The following DIAPH1 variants were observed in gnomAD, a reference collection of about 807,000 sequenced individuals.
DIAPH1 encodes the protein diaphanous related formin 1.
DIAPH1 carries 46 observed loss-of-function variants against 140.7 expected under a neutral mutation model. The observed-to-expected ratio is 0.33, with a 90% confidence interval of 0.26 to 0.42. DIAPH1 has a LOEUF of 0.42. Ranked by LOEUF, DIAPH1 falls within the 10% of genes least tolerant of loss-of-function variation. The pLI is 1.00. For synonymous variants in DIAPH1, 565 were observed against 551.6 expected, an observed-to-expected ratio of 1.02 and a Z score of -0.34; for missense variants, 1,310 against 1,558.7, an observed-to-expected ratio of 0.84 and a Z score of 2.69.
rs1267883025 is a variant in DIAPH1, at chr5:141,591,701, T to G, written c.118-3451A>C. ...AGGAAGGAAGGGAGATGGGGATATA[T>G]ATATATATATATATATATATATATA... On this transcript the variant is annotated intron_variant, in intron 1 of 27. Transcript: ENST00000389054. Among the ~76,000 whole-genome samples the G allele has an allele frequency of 4.5e-3, 315 of 69,850 alleles. 15 individuals carry two copies. The highest frequency in any genetic ancestry group is 0.012 in the African/African-American group (230 of 18,516). The allele number at this position is 69,850 out of a possible 152,430, so 45.8% of individuals were successfully genotyped here.
chr5:141,598,384 T>TA (rs1344243873), intron 1 of DIAPH1, among the ~76,000 whole-genome samples: 1 of 152,176 alleles, frequency 6.6e-6, no homozygotes, highest in Admixed American at 6.5e-5. Context: ...TTGCATGTAT[T>TA]AAAATGAGCT....
At position 141,574,953 on chromosome 5, in the gene DIAPH1, T is replaced by G. The variant is rs763932885; in HGVS notation, c.1641+14A>C. 6.2e-7 allele frequency: 1 copy of G among 1,614,152 alleles called. No individual in the cohort carries two copies. The highest frequency in any genetic ancestry group is 8.5e-7 in the Non-Finnish European group (1 of 1,179,996). On this transcript the variant is annotated intron_variant, in intron 15 of 27. Coordinates refer to ENST00000389054, the MANE Select transcript of DIAPH1 (RefSeq NM_005219.5). The stretch of plus-strand genomic sequence containing the variant: ...AGGTTACAGGTCATTCTGCCTTCCC[T>G]GCTCAGGCATTACCTCTCCTGTGAG...
chr5:141,567,925 T>C (rs1337460264), intron 18 of DIAPH1, among the ~76,000 whole-genome samples: 1 of 152,218 alleles, frequency 6.6e-6, no homozygotes, highest in Non-Finnish European at 1.5e-5. Flanking sequence ...AAATTCTCAA[T>C]TCTTAGTGAA....
intron 1 of DIAPH1, among the ~76,000 whole-genome samples, chr5:141,592,089 A>G (rs2099898576): frequency 6.6e-6 from 1 of 151,528 alleles, no homozygotes; most frequent in African/African-American, 2.4e-5. Flanking sequence ...ATCAAAAAAA[A>G]AAAAAAAGAA....
In DIAPH1 at chr5:141,588,239, C is replaced by A. The variant is rs1384073594; in HGVS notation, c.129G>T (p.Arg43=). The change falls in exon 2 of 28, where the codon CGG becomes CGT. Residue 43 remains arginine, a synonymous_variant. Transcript: ENST00000389054. ...ATGTCCTTACCTCATCTGCCATGAG[C>A]CGCTTCAGAGTCTAGGAAACAGGAA... The part of the protein sequence containing the change: ...GGKSKKFTLK[R]LMADELERFT... The A allele has an allele frequency of 6.2e-7, 1 of 1,612,378 alleles. No individual in the cohort carries two copies. Among genetic ancestry groups the A allele is most frequent in the South Asian group, 1.1e-5 (1 of 90,992 alleles).
At chr5:141,529,520 G>T in intron 20 of DIAPH1, 83 bp downstream of exon 20, 1 of 1,152,860 alleles carries the variant, frequency 8.7e-7, no homozygotes. Context: ...GCTGGAGGAG[G>T]ATCCTCTTCA....
intron 18 of DIAPH1, among the ~76,000 whole-genome samples, chr5:141,552,973 C>T (rs2099891972): frequency 1.3e-5 from 2 of 152,174 alleles, no homozygotes; most frequent in Non-Finnish European, 2.9e-5. Context: ...CCCTAGCAAA[C>T]GAATACACTT....
chr5:141,574,161 A>T lies in DIAPH1; in HGVS notation c.1689T>A (p.Ala563=), dbSNP rs375991666. The T allele has an allele frequency of 1.9e-6, 3 of 1,613,972 alleles. No individual in the cohort carries two copies. In the African/African-American group the frequency reaches 4.0e-5, roughly 22 times the overall value. The change falls in exon 16 of 28, where the codon GCT becomes GCA. Residue 563 remains alanine (A), a synonymous_variant. Coordinates refer to ENST00000389054, the MANE Select transcript of DIAPH1 (RefSeq NM_005219.5). The part of the protein sequence containing the change: ...KELEDAKKEM[A]SLSAAAITVP... ...CAGTAATAGCTGCCGCAGAGAGGGA[A>T]GCCATTTCTTTCTTGGCATCTTCCA... is the stretch of plus-strand genomic sequence containing the variant.
intron 1 of DIAPH1, among the ~76,000 whole-genome samples, chr5:141,611,713 T>C (rs2099901866): frequency 6.6e-6 from 1 of 152,124 alleles, no homozygotes; most frequent in African/African-American, 2.4e-5. Context: ...TTAAGAAAGA[T>C]ATATAAACAG....
intron 18 of DIAPH1, chr5:141,560,967 C>G: frequency 2.2e-6 from 1 of 454,042 alleles, no homozygotes; most frequent in Admixed American, 2.4e-5. Flanking sequence ...ATGGGAGGAC[C>G]GCCATCTCTG....
At chr5:141,560,753 T>C (rs2099893403) in intron 18 of DIAPH1, 1 of 415,804 alleles carries the variant, frequency 2.4e-6, no homozygotes, top group Middle Eastern at 3.5e-4. Context: ...ATTCTAGAAA[T>C]ATTCTGTTTT....
chr5:141,583,163 G>C (rs2154596585), intron 6 of DIAPH1, 43 bp downstream of exon 6: 1 of 1,545,248 alleles, frequency 6.5e-7, no homozygotes, highest in Non-Finnish European at 9.0e-7. Flanking sequence ...CAAGTCCCCT[G>C]TGACTCTCCA....
intron 1 of DIAPH1, among the ~76,000 whole-genome samples, chr5:141,612,425 G>T (rs562926938): frequency 1.6e-4 from 25 of 152,168 alleles, no homozygotes; most frequent in Non-Finnish European, 3.4e-4. Context: ...TAGGGTAAAT[G>T]AATAAACAAA....
intron 1 of DIAPH1, among the ~76,000 whole-genome samples, chr5:141,611,288 C>A (rs937378584): frequency 2.6e-5 from 4 of 151,918 alleles, no homozygotes; most frequent in African/African-American, 9.7e-5. Flanking sequence ...AAAACCTTAG[C>A]GACCATAATT....
Position 141,574,828 on chromosome 5 carries a change from A to G in DIAPH1, c.1641+139T>C. ...AACACAAACCAAAAACCAGTATATT[A>G]TTTTTAAAATATGCACCATGTAACT... On this transcript the variant is annotated intron_variant, in intron 15 of 27. Coordinates refer to ENST00000389054, the MANE Select transcript of DIAPH1 (RefSeq NM_005219.5). 6 of 917,460 alleles carry G rather than the reference A, an allele frequency of 6.5e-6. No individual in the cohort carries two copies. In the South Asian group the frequency reaches 7.4e-5, roughly 11 times the overall value. 56.8% of individuals were successfully genotyped at this position (917,460 alleles called of 1,614,324 possible). A position where few individuals can be genotyped will look rare whatever the true frequency, so the allele number is the denominator to read the frequency against.
At chr5:141,543,222 C>T (rs566583735) in intron 18 of DIAPH1, among the ~76,000 whole-genome samples, 109 of 152,158 alleles carry the variant, frequency 7.2e-4, no homozygotes, top group Middle Eastern at 3.4e-3. Flanking sequence ...TGCTGCAACA[C>T]GAACCTTGCA....
chr5:141,593,258 T>C (rs1456022998), intron 1 of DIAPH1, among the ~76,000 whole-genome samples: 2 of 152,206 alleles, frequency 1.3e-5, no homozygotes, highest in Non-Finnish European at 1.5e-5. Context: ...CCCTAGATCA[T>C]ACCCCACCCC....
chr5:141,527,489 C>T lies in DIAPH1; in HGVS notation c.3273+84G>A, dbSNP rs1189028011. 5.5e-6 allele frequency: 8 copies of T among 1,463,874 alleles called. No homozygotes were observed. In the East Asian group the frequency reaches 1.8e-4, roughly 33 times the overall value. The allele number at this position is 1,463,874 out of a possible 1,614,324, so 90.7% of individuals were successfully genotyped here. On this transcript the variant is annotated intron_variant, in intron 24 of 27. Transcript: ENST00000389054. The stretch of plus-strand genomic sequence containing the variant: ...TTTAAGAGAAAAAAATTGCATACTG[C>T]CCTATCTATCCTGTTTTTCCCCCAC...
chr5:141,517,651 G>A (rs147856167), intron 27 of DIAPH1, among the ~76,000 whole-genome samples: 7 of 152,170 alleles, frequency 4.6e-5, no homozygotes, highest in African/African-American at 1.4e-4. Flanking sequence ...CCTACAAGGT[G>A]TGTAGAGTAT....
Sources: allele counts gnomAD v4.1 joint callset (sites outside exome capture counted in the v4.1 genomes callset), GRCh38; gene constraint gnomAD v4.1.1; transcripts MANE v1.5; gene names NCBI Gene and HGNC (gene_info 2026-07-23, HGNC 2026-07-21).